Variants in PADI2 observed in about 807,000 individuals in gnomAD.
PADI2 encodes peptidyl arginine deiminase 2.
In PADI2, 70 loss-of-function variants were observed where a neutral mutation model predicts 81.1. The ratio of observed to expected loss-of-function variants is 0.86; its 90% CI spans 0.71 to 1.05. PADI2 has a LOEUF of 1.05. Ranked by LOEUF, PADI2 falls within the 50% of genes least tolerant of loss-of-function variation. PADI2 has a pLI of 0.00. For synonymous variants in PADI2, 338 were observed against 358.0 expected, an observed-to-expected ratio of 0.94 and a Z score of 0.63; for missense variants, 853 against 889.9, an observed-to-expected ratio of 0.96 and a Z score of 0.53.
chr1:17,092,469 G>C lies in PADI2; in HGVS notation c.594C>G (p.Tyr198Ter). The change falls in exon 6 of 16, where the codon TAC (tyrosine) becomes TAG (stop). Residue 198 changes from tyrosine (Y) to a stop codon, truncating the protein, a stop_gained. Transcript: ENST00000375486. LOFTEE classifies it high-confidence loss of function. ...TKGPDRLPAG[Y>*]EIVLYISMSD... The stretch of plus-strand genomic sequence containing the variant: ...ACATGGAAATGTACAGAACTATCTC[G>C]TATCCGGCGGGGAGGCGGTCGGGGC... 1 of 1,605,750 alleles carries C rather than the reference G, an allele frequency of 6.2e-7. No homozygotes were observed. Among genetic ancestry groups the C allele is most frequent in the African/African-American group, 1.4e-5 (1 of 73,302 alleles).
chr1:17,068,463 A>C lies in PADI2; in HGVS notation c.*581T>G, dbSNP rs1353414263. The stretch of plus-strand genomic sequence containing the variant: ...ACTGGACCCTCAGGGAGTGGGGAGG[A>C]CTAGCCAACAGTGTCCACACTGCAG... On this transcript the variant is annotated 3_prime_UTR_variant, in exon 16 of 16. Transcript: ENST00000375486. 1 of 153,930 alleles carries C rather than the reference A, an allele frequency of 6.5e-6. No individual in the cohort carries two copies. The highest frequency in any genetic ancestry group is 1.4e-5 in the Non-Finnish European group (1 of 69,222). 9.5% of individuals were successfully genotyped at this position (153,930 alleles called of 1,614,324 possible).
intron 1 of PADI2, among the ~76,000 whole-genome samples, chr1:17,114,592 C>G (rs1192965173): frequency 6.6e-6 from 1 of 150,948 alleles, no homozygotes; most frequent in Non-Finnish European, 1.5e-5. Context: ...GAAGCCTGCA[C>G]AAAATAAGTG....
chr1:17,081,279 A>G (rs2101581499), intron 10 of PADI2, among the ~76,000 whole-genome samples: 1 of 152,354 alleles, frequency 6.6e-6, no homozygotes, highest in East Asian at 1.9e-4. Context: ...CAGACATGGC[A>G]CTGATGCCTT....
chr1:17,072,081 G>A (rs1000445379), intron 13 of PADI2, among the ~76,000 whole-genome samples: 4 of 152,226 alleles, frequency 2.6e-5, no homozygotes, highest in Non-Finnish European at 4.4e-5. Flanking sequence ...CTATGGGGTA[G>A]TCACTACCCT....
chr1:17,096,892 CTT>C (rs2101597919), intron 3 of PADI2, among the ~76,000 whole-genome samples: 1 of 152,300 alleles, frequency 6.6e-6, no homozygotes, highest in South Asian at 2.1e-4. Context: ...CCAAATAACT[CTT>C]TGTGTGGGGG....
In PADI2 at chr1:17,119,173, G is replaced by A. The variant is rs1931856403; in HGVS notation, c.92+107C>T. 2.7e-6 allele frequency: 2 copies of A among 752,620 alleles called. No individual in the cohort carries two copies. Among genetic ancestry groups the A allele is most frequent in the South Asian group, 1.9e-5 (1 of 52,458 alleles). 46.6% of individuals were successfully genotyped at this position (752,620 alleles called of 1,614,324 possible). The stretch of plus-strand genomic sequence containing the variant: ...TTCTGGGCTCGGGGGCTCGGGATGA[G>A]GGACAACTCGGGCTGGACAAAGGCT... On this transcript the variant is annotated intron_variant, in intron 1 of 15. Transcript: ENST00000375486. The surrounding 1 kb of genome is among the most constrained non-coding windows in gnomAD (Gnocchi z 4.8).
At position 17,115,514 on chromosome 1, in the gene PADI2, C is replaced by T. The variant is rs2100226054; in HGVS notation, c.92+3766G>A. On this transcript the variant is annotated intron_variant, in intron 1 of 15. Coordinates refer to ENST00000375486, the MANE Select transcript of PADI2 (RefSeq NM_007365.3). The surrounding 1 kb of genome is among the most constrained non-coding windows in gnomAD (Gnocchi z 4.1). ...CCATTCCCAAGGCCCAGCTTGTGGG[C>T]AGAGAGTGACCACCCTGCTACCTAC... 6.6e-6 allele frequency among the ~76,000 whole-genome samples: 1 copy of T among 152,368 alleles called. No homozygotes were observed. The highest frequency in any genetic ancestry group is 3.4e-3 in the Middle Eastern group (1 of 294).
At chr1:17,104,288 TCAAACAAA>T (rs1300083864) in intron 2 of PADI2, among the ~76,000 whole-genome samples, 1 of 151,618 alleles carries the variant, frequency 6.6e-6, no homozygotes, top group Non-Finnish European at 1.5e-5. Flanking sequence ...AGACTCCGTC[TCAAACAAA>T]CAAACAAACA....
intron 1 of PADI2, among the ~76,000 whole-genome samples, chr1:17,110,262 T>C (rs1931530022): frequency 6.6e-6 from 1 of 151,728 alleles, no homozygotes; most frequent in East Asian, 1.9e-4. Flanking sequence ...GGGAGGGGGC[T>C]TGGGGGTGGT....
intron 1 of PADI2, among the ~76,000 whole-genome samples, chr1:17,117,804 C>A (rs1931810774): frequency 1.3e-5 from 2 of 152,230 alleles, no homozygotes; most frequent in African/African-American, 4.8e-5. Context: ...GACCTGAGCA[C>A]TCTGGCTCCG....
intron 10 of PADI2, 123 bp from the exon 11 acceptor site, chr1:17,079,538 TC>T: frequency 1.4e-6 from 1 of 714,486 alleles, no homozygotes; most frequent in Non-Finnish European, 2.3e-6. Flanking sequence ...AGGTGGGTTG[TC>T]CACGGTCTTC....
chr1:17,104,047 C>T lies in PADI2; in HGVS notation c.276+831G>A, dbSNP rs562026602. Among the ~76,000 whole-genome samples the T allele has an allele frequency of 3.4e-4, 52 of 151,246 alleles. 1 individual carries two copies. The highest frequency in any genetic ancestry group is 6.8e-3 in the Middle Eastern group (2 of 294). ...CCTGTAATCCCAGCACTTTGGGAGGCCAAGGTGGGCGGATCACAAGGTCAG... is the reference window on the plus strand; with the variant it reads ...CCTGTAATCCCAGCACTTTGGGAGGTCAAGGTGGGCGGATCACAAGGTCAG... On this transcript the variant is annotated intron_variant, in intron 2 of 15. Transcript: ENST00000375486.
chr1:17,099,942 G>C (rs1263689774), intron 3 of PADI2, among the ~76,000 whole-genome samples: 1 of 152,150 alleles, frequency 6.6e-6, no homozygotes, highest in Non-Finnish European at 1.5e-5. Context: ...AGAAGCCAAG[G>C]CTCTTTCTGC....
chr1:17,097,487 T>C (rs1930978589), intron 3 of PADI2, among the ~76,000 whole-genome samples: 1 of 152,162 alleles, frequency 6.6e-6, no homozygotes, highest in African/African-American at 2.4e-5. Context: ...CTGTAAGGCA[T>C]AATTTGTAAC....
intron 3 of PADI2, among the ~76,000 whole-genome samples, chr1:17,101,142 C>G (rs1931128318): frequency 6.6e-6 from 1 of 152,124 alleles, no homozygotes; most frequent in Non-Finnish European, 1.5e-5. Context: ...TGAACTTGGT[C>G]ACTTGTCGTG....
chr1:17,117,055 G>T (rs6675839), intron 1 of PADI2, among the ~76,000 whole-genome samples: 83,939 of 151,974 alleles, frequency 0.55, 24,888 homozygotes, highest in East Asian at 0.87. Flanking sequence ...GGGGACAGAG[G>T]TCAGGGATGC....
rs184911643 is a variant in PADI2, at chr1:17,109,070, G to C, written c.93-4009C>G. On this transcript the variant is annotated intron_variant, in intron 1 of 15. Transcript: ENST00000375486. Reference sequence around the variant, plus strand: ...TGCAGAGGAGAGGCCCTGGGCAAAGGGGTGAGGAGGAAGGCTCTGGAAAGC... The same window carrying C: ...TGCAGAGGAGAGGCCCTGGGCAAAGCGGTGAGGAGGAAGGCTCTGGAAAGC... Among the ~76,000 whole-genome samples the C allele has an allele frequency of 5.9e-3, 904 of 152,194 alleles. 6 individuals carry two copies. Among genetic ancestry groups the C allele is most frequent in the Middle Eastern group, 0.027 (8 of 294 alleles).
Position 17,093,504 on chromosome 1 carries a change from G to A in PADI2, c.529+63C>T, listed in dbSNP as rs189824754. On this transcript the variant is annotated intron_variant, in intron 5 of 15. Transcript: ENST00000375486. ...CCTGCCTCACCCTCAGCCCAGCCCA[G>A]GACTGGGCATGAATCTTTTCACTCC... 3,124 of 1,114,072 alleles carry A rather than the reference G, an allele frequency of 2.8e-3. 22 individuals carry two copies. Among genetic ancestry groups the A allele is most frequent in the Non-Finnish European group, 2.8e-3 (2,078 of 730,152 alleles). The allele number at this position is 1,114,072 out of a possible 1,614,324, so 69.0% of individuals were successfully genotyped here.
At position 17,119,394 on chromosome 1, in the gene PADI2, C is replaced by G; in HGVS notation, c.-23G>C. The G allele has an allele frequency of 6.6e-7, 1 of 1,516,266 alleles. No individual in the cohort carries two copies. Among genetic ancestry groups the G allele is most frequent in the Non-Finnish European group, 8.8e-7 (1 of 1,130,430 alleles). 93.9% of individuals were successfully genotyped at this position (1,516,266 alleles called of 1,614,324 possible). On this transcript the variant is annotated 5_prime_UTR_variant, in exon 1 of 16. Transcript: ENST00000375486. The surrounding 1 kb of genome is among the most constrained non-coding windows in gnomAD (Gnocchi z 4.8). ...CATCCTCCCCGCCGCAGTGCCCGCG[C>G]TCGCTGGTCCGGGGCGGCCGGGAGC...
Sources: gnomAD v4.1 joint callset for allele counts (sites outside exome capture counted in the v4.1 genomes callset) on GRCh38, gnomAD v4.1.1 for gene constraint, Gnocchi (gnomAD v3.1) non-coding constraint, MANE v1.5 for transcripts, NCBI Gene and HGNC (gene_info 2026-07-23, HGNC 2026-07-21) for gene names.